Variants in PATL2 observed in about 807,000 individuals in gnomAD.
The protein encoded by PATL2 is protein PAT1 homolog 2.
PATL2 carries 73 observed loss-of-function variants against 77.0 expected under a neutral mutation model. That is an observed-to-expected ratio of 0.95 (90% CI 0.78 to 1.15). The LOEUF (loss-of-function observed/expected upper bound fraction) is 1.15, where lower values mean the gene tolerates loss of function less well. Ranked by LOEUF, PATL2 falls within the 50% of genes most tolerant of loss-of-function variation. PATL2 has a pLI of 0.00. For missense variants in PATL2, 618 were observed against 655.4 expected (o/e 0.94, Z 0.62); for synonymous variants, 265 against 257.1 (o/e 1.03, Z -0.29).
intron 3 of PATL2, among the ~76,000 whole-genome samples, chr15:44,704,557 G>A (rs1595990621): frequency 6.6e-6 from 1 of 152,114 alleles, no homozygotes; most frequent in Non-Finnish European, 1.5e-5. Context: ...ATATTGTACT[G>A]TCTATGTCTT....
chr15:44,693,714 A>G (rs1040928001), intron 3 of PATL2, among the ~76,000 whole-genome samples: 1 of 149,792 alleles, frequency 6.7e-6, no homozygotes, highest in African/African-American at 2.5e-5. Flanking sequence ...TTTTTTTGAG[A>G]CAGAGTCTCG....
At chr15:44,689,704 C>T (rs554820106) in intron 3 of PATL2, among the ~76,000 whole-genome samples, 2 of 152,026 alleles carry the variant, frequency 1.3e-5, no homozygotes, top group East Asian at 3.9e-4. Flanking sequence ...CACACCAGGG[C>T]CTGTTGTGGG....
intron 3 of PATL2, among the ~76,000 whole-genome samples, chr15:44,708,707 T>C (rs773849222): frequency 1.3e-5 from 2 of 152,218 alleles, no homozygotes; most frequent in Non-Finnish European, 2.9e-5. Context: ...CATTTACCTG[T>C]TGATGTATGT....
At position 44,711,105 on chromosome 15, in the gene PATL2, C is replaced by A. The variant is rs762218809; in HGVS notation, c.-339G>T. On this transcript the variant is annotated 5_prime_UTR_variant, in exon 1 of 18. Coordinates refer to ENST00000682850, the MANE Select transcript of PATL2 (RefSeq NM_001387263.1). ...CTTCTGCTAGGTAGCATTCAAAGAT[C>A]TTAATCTTCTGGGTTTCCGTTTTCT... The A allele has an allele frequency of 3.2e-5, 10 of 315,862 alleles. No individual in the cohort carries two copies. Among genetic ancestry groups the A allele is most frequent in the Non-Finnish European group, 5.6e-5 (9 of 161,806 alleles). The allele number at this position is 315,862 out of a possible 1,614,324, so 19.6% of individuals were successfully genotyped here.
chr15:44,698,715 T>C (rs1158357294), intron 3 of PATL2, among the ~76,000 whole-genome samples: 2 of 152,272 alleles, frequency 1.3e-5, no homozygotes, highest in Non-Finnish European at 2.9e-5. Flanking sequence ...AAAATGCAGA[T>C]ATCTCTTTGA....
chr15:44,692,725 G>C (rs1224257756), intron 3 of PATL2, among the ~76,000 whole-genome samples: 1 of 152,242 alleles, frequency 6.6e-6, no homozygotes, highest in Non-Finnish European at 1.5e-5. Context: ...AAAACTTTGG[G>C]ATATCTTTGT....
At chr15:44,668,650 G>A (rs564135908) in intron 14 of PATL2, among the ~76,000 whole-genome samples, 168 bp from the exon 15 acceptor site, 3 of 152,040 alleles carry the variant, frequency 2.0e-5, no homozygotes, top group Admixed American at 6.6e-5. Context: ...TGACACCTTC[G>A]GTACCTACTT....
At chr15:44,668,691 A>G (rs1745106660) in intron 14 of PATL2, among the ~76,000 whole-genome samples, 1 of 152,148 alleles carries the variant, frequency 6.6e-6, no homozygotes, top group Non-Finnish European at 1.5e-5. Flanking sequence ...AGAAAAGTAG[A>G]TAGGGGCTCA....
chr15:44,681,113 C>T (rs2086124660), intron 3 of PATL2, among the ~76,000 whole-genome samples: 1 of 152,180 alleles, frequency 6.6e-6, no homozygotes, highest in Non-Finnish European at 1.5e-5. Context: ...TCACTGCAAA[C>T]TTGAACTTCT....
At chr15:44,697,959 G>A (rs1012473329) in intron 3 of PATL2, among the ~76,000 whole-genome samples, 10 of 151,868 alleles carry the variant, frequency 6.6e-5, no homozygotes, top group Non-Finnish European at 1.2e-4. Flanking sequence ...GGCTGGTCAC[G>A]AACTCATGGG....
rs1238204855 is a variant in PATL2, at chr15:44,669,559, A to G, written c.881T>C (p.Ile294Thr). 1 of 1,551,020 alleles carries G rather than the reference A, an allele frequency of 6.4e-7. No homozygotes were observed. Among genetic ancestry groups the G allele is most frequent in the Non-Finnish European group, 8.7e-7 (1 of 1,146,856 alleles). The change falls in exon 12 of 18, where the codon ATA becomes ACA. Residue 294 changes from isoleucine to threonine, a missense_variant. Coordinates refer to ENST00000682850, the MANE Select transcript of PATL2 (RefSeq NM_001387263.1). ...AVPHGTQEQD[I>T]EAASSQRLRV... ...AAGCCTCTGACTGCTTGCAGCTTCT[A>G]TATCCTAGGAGAAGGGAGTCACCAG... is the stretch of plus-strand genomic sequence containing the variant.
intron 3 of PATL2, among the ~76,000 whole-genome samples, chr15:44,683,745 T>G (rs1453869556): frequency 1.3e-5 from 2 of 152,326 alleles, no homozygotes; most frequent in African/African-American, 2.4e-5. Flanking sequence ...CAAGCTCTGC[T>G]GAGGGACAGA....
intron 3 of PATL2, among the ~76,000 whole-genome samples, chr15:44,700,198 G>A (rs74720614): frequency 0.019 from 2,965 of 152,094 alleles, 103 homozygotes; most frequent in African/African-American, 0.068. Flanking sequence ...AGTTATCATC[G>A]TAGAGATCTT....
chr15:44,701,021 T>A (rs2086617718), intron 3 of PATL2, among the ~76,000 whole-genome samples: 1 of 151,144 alleles, frequency 6.6e-6, no homozygotes, highest in Non-Finnish European at 1.5e-5. Context: ...TCAGTTGAAA[T>A]GATCATATGG....
chr15:44,670,714 C>T (rs2085630808), intron 9 of PATL2, among the ~76,000 whole-genome samples: 1 of 152,210 alleles, frequency 6.6e-6, no homozygotes, highest in Non-Finnish European at 1.5e-5. Flanking sequence ...CCTGTTCCAG[C>T]GTCTGTAACC....
intron 9 of PATL2, among the ~76,000 whole-genome samples, chr15:44,670,715 G>A (rs1452979192): frequency 5.3e-5 from 8 of 152,180 alleles, no homozygotes; most frequent in African/African-American, 9.7e-5. Flanking sequence ...CTGTTCCAGC[G>A]TCTGTAACCT....
chr15:44,680,808 C>T (rs1319740556), intron 3 of PATL2, among the ~76,000 whole-genome samples: 1 of 152,188 alleles, frequency 6.6e-6, no homozygotes, highest in Non-Finnish European at 1.5e-5. Context: ...CAGGGACAAA[C>T]AGACATAATC....
chr15:44,707,630 C>T (rs936053661), intron 3 of PATL2, among the ~76,000 whole-genome samples: 2 of 152,128 alleles, frequency 1.3e-5, no homozygotes, highest in African/African-American at 2.4e-5. Flanking sequence ...TTGTTCTTCC[C>T]TCTCCTCTTC....
At chr15:44,687,033 A>G (rs2086274363) in intron 3 of PATL2, among the ~76,000 whole-genome samples, 1 of 152,224 alleles carries the variant, frequency 6.6e-6, no homozygotes, top group Non-Finnish European at 1.5e-5. Flanking sequence ...AAAAAGAGGT[A>G]ATCCTCCCTA....
Sources: gnomAD v4.1 joint callset for allele counts (sites outside exome capture counted in the v4.1 genomes callset) on GRCh38, gnomAD v4.1.1 for gene constraint, MANE v1.5 for transcripts, NCBI Gene and HGNC (gene_info 2026-07-23, HGNC 2026-07-21) for gene names.